Variants in CEP128 observed in about 807,000 individuals in gnomAD.
The protein encoded by CEP128 is centrosomal protein 128kDa.
A neutral mutation model predicts 156.7 loss-of-function variants in CEP128; 132 were observed. The observed-to-expected ratio is 0.84, with a 90% confidence interval of 0.73 to 0.97. The LOEUF is 0.97. CEP128 is among the 50% of genes least tolerant of loss of function. CEP128 has a pLI of 0.00. For synonymous variants in CEP128, 469 were observed against 448.9 expected, an observed-to-expected ratio of 1.04 and a Z score of -0.57; for missense variants, 1,252 against 1,281.9, an observed-to-expected ratio of 0.98 and a Z score of 0.36.
At chr14:80,783,641 T>C (rs760039022) in intron 15 of CEP128, among the ~76,000 whole-genome samples, 2 of 152,220 alleles carry the variant, frequency 1.3e-5, no homozygotes, top group South Asian at 4.1e-4. Flanking sequence ...CTACTTTCTA[T>C]ATTCATCAAC....
chr14:80,817,683 C>T (rs1165536832), intron 13 of CEP128, among the ~76,000 whole-genome samples: 1 of 152,100 alleles, frequency 6.6e-6, no homozygotes, highest in Non-Finnish European at 1.5e-5. Flanking sequence ...GAGATCAAGG[C>T]CATCCTGGCC....
chr14:80,856,712 TTTC>T (rs2140137376), intron 9 of CEP128, among the ~76,000 whole-genome samples: 1 of 135,902 alleles, frequency 7.4e-6, no homozygotes, highest in African/African-American at 3.2e-5. Flanking sequence ...ATCTCATGTT[TTTC>T]TTTTCTTTTT....
chr14:80,913,263 C>T (rs544854803), intron 4 of CEP128, among the ~76,000 whole-genome samples: 1 of 152,094 alleles, frequency 6.6e-6, no homozygotes, highest in African/African-American at 2.4e-5. Flanking sequence ...ATGGTCACTG[C>T]TATAATGTTT....
chr14:80,759,547 CCAGGTTTACAG>C (rs1200583738), intron 17 of CEP128, among the ~76,000 whole-genome samples: 1 of 151,920 alleles, frequency 6.6e-6, no homozygotes, highest in Non-Finnish European at 1.5e-5. Flanking sequence ...TTTTTCTTTC[CCAGGTTTACAG>C]CAATAAAACA....
downstream of CEP128, among the ~76,000 whole-genome samples, chr14:80,487,738 A>G (rs941323402): frequency 2.0e-5 from 3 of 152,322 alleles, no homozygotes; most frequent in Admixed American, 6.5e-5. Context: ...AAAACTGCTC[A>G]ACTACATGGA....
At chr14:80,817,482 T>TA (rs1177632332) in intron 13 of CEP128, among the ~76,000 whole-genome samples, 1 of 152,204 alleles carries the variant, frequency 6.6e-6, no homozygotes, top group African/African-American at 2.4e-5. Flanking sequence ...AACATTTTTT[T>TA]AAAATGTAAG....
chr14:80,781,955 G>A (rs1255094521), intron 15 of CEP128, among the ~76,000 whole-genome samples: 1 of 152,168 alleles, frequency 6.6e-6, no homozygotes, highest in Non-Finnish European at 1.5e-5. Context: ...AAGTACTAGT[G>A]AGAAGGAAGG....
At chr14:80,599,015 T>G in intron 19 of CEP128, among the ~76,000 whole-genome samples, 1 of 152,204 alleles carries the variant, frequency 6.6e-6, no homozygotes, top group East Asian at 1.9e-4. Flanking sequence ...TTATAAGATA[T>G]TTCCACTGAA....
intron 19 of CEP128, among the ~76,000 whole-genome samples, chr14:80,580,965 T>C (rs1342737587): frequency 2.0e-5 from 3 of 152,110 alleles, no homozygotes; most frequent in Non-Finnish European, 4.4e-5. Context: ...TTAATTATCA[T>C]TTCACACTGA....
At chr14:80,911,341 A>T (rs964270016) in intron 4 of CEP128, among the ~76,000 whole-genome samples, 1 of 152,126 alleles carries the variant, frequency 6.6e-6, no homozygotes. Context: ...CCTACTAAAA[A>T]AGTAAAAAAT....
At chr14:80,675,470 A>G (rs2140944720) in intron 19 of CEP128, among the ~76,000 whole-genome samples, 1 of 152,184 alleles carries the variant, frequency 6.6e-6, no homozygotes, top group Non-Finnish European at 1.5e-5. Context: ...ATTTAAATCT[A>G]TACTAACTTG....
chr14:80,575,399 T>C (rs1174712136), intron 20 of CEP128, among the ~76,000 whole-genome samples: 3 of 152,164 alleles, frequency 2.0e-5, no homozygotes, highest in Non-Finnish European at 4.4e-5. Flanking sequence ...ATCATGACTT[T>C]TTTTTCGATT....
At chr14:80,870,524 T>C (rs1309647191) in intron 8 of CEP128, among the ~76,000 whole-genome samples, 1 of 152,054 alleles carries the variant, frequency 6.6e-6, no homozygotes, top group Non-Finnish European at 1.5e-5. Context: ...GAAAAAGCAT[T>C]TAATATAATT....
intron 19 of CEP128, among the ~76,000 whole-genome samples, chr14:80,584,149 T>C (rs1474725411): frequency 9.1e-6 from 1 of 110,188 alleles, no homozygotes; most frequent in Non-Finnish European, 1.8e-5. Context: ...ACATTTTTTT[T>C]TTTTTTTTTT....
intron 19 of CEP128, among the ~76,000 whole-genome samples, chr14:80,708,304 T>C (rs1897291113): frequency 6.6e-6 from 1 of 152,166 alleles, no homozygotes; most frequent in African/African-American, 2.4e-5. Flanking sequence ...TTCAGAGGAT[T>C]GTACCATTTT....
At chr14:80,849,376 C>T (rs1052445748) in intron 9 of CEP128, among the ~76,000 whole-genome samples, 3 of 152,166 alleles carry the variant, frequency 2.0e-5, no homozygotes, top group Admixed American at 6.6e-5. Flanking sequence ...GGCTTTGAAT[C>T]ACAGCATCAC....
At chr14:80,830,335 G>A in intron 13 of CEP128, 1 of 457,562 alleles carries the variant, frequency 2.2e-6, no homozygotes, top group Non-Finnish European at 3.9e-6. Flanking sequence ...ATTTCCTTTG[G>A]GTTATATAAA....
intron 2 of CEP128, chr14:80,955,108 C>T (rs533035785): frequency 5.6e-6 from 1 of 179,792 alleles, no homozygotes; most frequent in African/African-American, 2.4e-5. Flanking sequence ...CCGCCTCTGA[C>T]CCTCAGCAGA....
At chr14:80,771,588 T>C (rs1406069856) in intron 16 of CEP128, among the ~76,000 whole-genome samples, 3 of 152,202 alleles carry the variant, frequency 2.0e-5, no homozygotes, top group African/African-American at 7.2e-5. Flanking sequence ...GGAACAAAAA[T>C]GCATTTCTAT....
Sources: allele counts gnomAD v4.1 joint callset (sites outside exome capture counted in the v4.1 genomes callset), GRCh38; gene constraint gnomAD v4.1.1; transcripts MANE v1.5; gene names NCBI Gene and HGNC (gene_info 2026-07-23, HGNC 2026-07-21).